Variants in PAIP2B observed in about 807,000 individuals in gnomAD.
PAIP2B encodes poly(A) binding protein interacting protein 2B.
Under a neutral mutation model 17.0 loss-of-function variants are expected in PAIP2B, and 13 were observed. The ratio of observed to expected loss-of-function variants is 0.76; its 90% CI spans 0.50 to 1.22. The LOEUF (loss-of-function observed/expected upper bound fraction) is 1.22, where lower values mean the gene tolerates loss of function less well. Among genes scored for constraint, PAIP2B ranks in the 50% most tolerant of loss-of-function variants. PAIP2B has a pLI of 0.00. For missense variants in PAIP2B, 117 were observed against 144.5 expected (o/e 0.81, Z 0.98); for synonymous variants, 43 against 48.7 (o/e 0.88, Z 0.48).
chr2:71,200,776 C>T (rs1484448062), intron 2 of PAIP2B, among the ~76,000 whole-genome samples: 1 of 151,814 alleles, frequency 6.6e-6, no homozygotes, highest in Non-Finnish European at 1.5e-5. Context: ...CAAAAAACAA[C>T]AAAAAAACCC....
intron 1 of PAIP2B, among the ~76,000 whole-genome samples, chr2:71,204,177 T>C (rs1189338926): frequency 1.1e-5 from 1 of 87,322 alleles, no homozygotes; most frequent in Non-Finnish European, 2.6e-5. Context: ...ATGAGTTCCA[T>C]AAATACCTGA....
intron 1 of PAIP2B, among the ~76,000 whole-genome samples, chr2:71,214,711 TCGGG>T (rs1675384521): frequency 6.6e-6 from 1 of 152,174 alleles, no homozygotes; most frequent in East Asian, 1.9e-4. Context: ...TATTAATGTA[TCGGG>T]TGACTAAGGA....
intron 1 of PAIP2B, among the ~76,000 whole-genome samples, chr2:71,222,335 T>A (rs1304365795): frequency 2.0e-5 from 3 of 152,228 alleles, no homozygotes; most frequent in Non-Finnish European, 4.4e-5. Context: ...GTGCTTCAGC[T>A]GAGGACGGCA....
intron 2 of PAIP2B, among the ~76,000 whole-genome samples, chr2:71,195,500 A>C (rs1351366721): frequency 6.6e-6 from 1 of 152,086 alleles, no homozygotes; most frequent in African/African-American, 2.4e-5. Flanking sequence ...TTTCTAGTTC[A>C]TGTGTGTAGT....
At chr2:71,226,627 G>A (rs1459557112) in intron 1 of PAIP2B, among the ~76,000 whole-genome samples, 32 of 152,154 alleles carry the variant, frequency 2.1e-4, no homozygotes, top group Admixed American at 2.0e-3. Context: ...AGGACGCTGA[G>A]GGGAGTCAGG....
At chr2:71,197,154 G>GTCTTTCCTTTCTATATTTAGTGC (rs1159165926) in intron 2 of PAIP2B, among the ~76,000 whole-genome samples, 2 of 152,148 alleles carry the variant, frequency 1.3e-5, no homozygotes, top group African/African-American at 4.8e-5. Flanking sequence ...GCTGGTAGTG[G>GTCTTTCCTTTCTATATTTAGTGC]TCTTTCCTTT....
At chr2:71,199,051 A>G (rs1436389501) in intron 2 of PAIP2B, among the ~76,000 whole-genome samples, 24 of 149,778 alleles carry the variant, frequency 1.6e-4, no homozygotes, top group Admixed American at 1.6e-3. Flanking sequence ...GCAGGGTTTG[A>G]GAGAACTGTT....
intron 1 of PAIP2B, among the ~76,000 whole-genome samples, chr2:71,221,867 C>T (rs371871421): frequency 6.7e-6 from 1 of 149,860 alleles, no homozygotes; most frequent in Non-Finnish European, 1.5e-5. Context: ...CGCCAATCAG[C>T]GCTCTGTAAA....
intron 2 of PAIP2B, among the ~76,000 whole-genome samples, chr2:71,195,666 T>C (rs1484066408): frequency 1.3e-5 from 2 of 152,172 alleles, no homozygotes; most frequent in Non-Finnish European, 2.9e-5. Flanking sequence ...TGAGATGAAG[T>C]CTCGCTCTGT....
chr2:71,183,931 T>TA lies in PAIP2B; in HGVS notation c.*4547dup, dbSNP rs897281600. On this transcript the variant is annotated 3_prime_UTR_variant, in exon 4 of 4. Coordinates refer to ENST00000244221, the MANE Select transcript of PAIP2B (RefSeq NM_020459.1). ...TTATGATATGTAACATATGCCTCAT[T>TA]AAAGTTGTTTTAAGAAAAGGATTCC... 11 of 152,330 alleles carry TA rather than the reference T, an allele frequency of 7.2e-5. No homozygotes were observed. Among genetic ancestry groups the TA allele is most frequent in the African/African-American group, 2.2e-4 (9 of 41,578 alleles). The allele number at this position is 152,330 out of a possible 1,614,324, so 9.4% of individuals were successfully genotyped here.
At position 71,203,196 on chromosome 2, in the gene PAIP2B, C is replaced by T. The variant is rs57215788; in HGVS notation, c.-11-596G>A. Among the ~76,000 whole-genome samples, 8,452 of 152,022 alleles carry T rather than the reference C, an allele frequency of 0.056. 978 individuals carry two copies. The East Asian group carries it at 0.56, about 10-fold the overall frequency. On this transcript the variant is annotated intron_variant, in intron 1 of 3. Coordinates refer to ENST00000244221, the MANE Select transcript of PAIP2B (RefSeq NM_020459.1). ...ATACACAAACATACACACACATTTCCCAAGTATCCATTCTCAATAGTAATA... is the reference window on the plus strand; with the variant it reads ...ATACACAAACATACACACACATTTCTCAAGTATCCATTCTCAATAGTAATA...
In PAIP2B at chr2:71,196,838, C is replaced by T. The variant is rs574318581; in HGVS notation, c.138+5614G>A. The stretch of plus-strand genomic sequence containing the variant: ...TTGTCTGAAATTAGGATTGCAACCC[C>T]TGCTTTTTTCTGTTTTCCATTTGCT... On this transcript the variant is annotated intron_variant, in intron 2 of 3. Coordinates refer to ENST00000244221, the MANE Select transcript of PAIP2B (RefSeq NM_020459.1). 1.6e-3 allele frequency among the ~76,000 whole-genome samples: 237 copies of T among 152,138 alleles called. 3 individuals are homozygous for T. Among genetic ancestry groups the T allele is most frequent in the African/African-American group, 5.5e-3 (229 of 41,502 alleles).
At chr2:71,191,108 C>T (rs2103754109) in intron 2 of PAIP2B, among the ~76,000 whole-genome samples, 1 of 152,302 alleles carries the variant, frequency 6.6e-6, no homozygotes, top group Middle Eastern at 3.4e-3. Context: ...CCTCTTGCTT[C>T]ATGTTTGGCA....
At chr2:71,199,119 C>G (rs1476959708) in intron 2 of PAIP2B, among the ~76,000 whole-genome samples, 2 of 152,100 alleles carry the variant, frequency 1.3e-5, no homozygotes, top group African/African-American at 2.4e-5. Context: ...TTGAAATTTC[C>G]TGATATTTTC....
Position 71,188,494 on chromosome 2 carries a change from T to A in PAIP2B, c.357A>T (p.Pro119=). 1 of 1,608,320 alleles carries A rather than the reference T, an allele frequency of 6.2e-7. No homozygotes were observed. Among genetic ancestry groups the A allele is most frequent in the Non-Finnish European group, 8.5e-7 (1 of 1,176,920 alleles). Residue 119 remains proline (P), a synonymous_variant, in exon 4 of 4, where the codon CCA becomes CCT. Coordinates refer to ENST00000244221, the MANE Select transcript of PAIP2B (RefSeq NM_020459.1). The part of the protein sequence containing the change: ...NLNPDAKEFI[P]GEKY ...CTTTCTCGGCTCAGTACTTCTCTCC[T>A]GGAATAAACTCCTTGGCATCTGGGT...
intron 1 of PAIP2B, among the ~76,000 whole-genome samples, chr2:71,213,175 C>T (rs1675343702): frequency 1.3e-5 from 2 of 152,072 alleles, no homozygotes; most frequent in Admixed American, 6.6e-5. Flanking sequence ...AGAATAAAAG[C>T]TTGCCACAGT....
At chr2:71,195,200 T>C (rs922068322) in intron 2 of PAIP2B, among the ~76,000 whole-genome samples, 1 of 152,232 alleles carries the variant, frequency 6.6e-6, no homozygotes, top group Non-Finnish European at 1.5e-5. Context: ...GTTGTGTCTC[T>C]ACTAGGTTTT....
intron 2 of PAIP2B, among the ~76,000 whole-genome samples, chr2:71,192,419 A>T (rs371857421): frequency 1.3e-5 from 2 of 152,176 alleles, no homozygotes; most frequent in South Asian, 2.1e-4. Context: ...TATATCTGTT[A>T]TAGTGCTCTG....
chr2:71,205,623 C>T (rs373174637), intron 1 of PAIP2B, among the ~76,000 whole-genome samples: 1 of 152,180 alleles, frequency 6.6e-6, no homozygotes, highest in African/African-American at 2.4e-5. Context: ...AGTTCCTGCT[C>T]CCAGTTTCAT....
Sources: gnomAD v4.1 joint callset for allele counts (sites outside exome capture counted in the v4.1 genomes callset) on GRCh38, gnomAD v4.1.1 for gene constraint, MANE v1.5 for transcripts, NCBI Gene and HGNC (gene_info 2026-07-23, HGNC 2026-07-21) for gene names.